Variants in MAF observed in about 807,000 individuals in gnomAD.
MAF encodes the protein MAF bZIP transcription factor.
Under a neutral mutation model 22.0 loss-of-function variants are expected in MAF, and 10 were observed. The observed-to-expected ratio is 0.45, with a 90% confidence interval of 0.28 to 0.77. The LOEUF is 0.77. Ranked by LOEUF, MAF falls within the 30% of genes least tolerant of loss-of-function variation. The pLI is 0.12. For missense variants in MAF, 544 were observed against 548.4 expected, an observed-to-expected ratio of 0.99 and a Z score of 0.08; for synonymous variants, 337 against 255.8, an observed-to-expected ratio of 1.32 and a Z score of -3.03.
At chr16:79,583,590 C>T (rs908540889), downstream of MAF, among the ~76,000 whole-genome samples, 9 of 152,152 alleles carry the variant, frequency 5.9e-5, no homozygotes, top group African/African-American at 2.2e-4. Flanking sequence ...GACATGAGCA[C>T]GCTAAGGTCC....
At chr16:79,507,819 A>G in the MAF span, among the ~76,000 whole-genome samples, 2 of 152,148 alleles carry the variant, frequency 1.3e-5, no homozygotes, top group Admixed American at 6.5e-5. Flanking sequence ...CAAATATCCC[A>G]TTTTCTCTAG....
At chr16:79,416,739 C>A in the MAF span, among the ~76,000 whole-genome samples, 1 of 152,204 alleles carries the variant, frequency 6.6e-6, no homozygotes, top group Non-Finnish European at 1.5e-5. Context: ...GAAGACCCTG[C>A]TGACCAGAGA....
At chr16:79,523,449 C>T in the MAF span, among the ~76,000 whole-genome samples, 1 of 152,228 alleles carries the variant, frequency 6.6e-6, no homozygotes, top group Admixed American at 6.5e-5. Flanking sequence ...TTTCTATTTT[C>T]ATAACAATCT....
the MAF span, among the ~76,000 whole-genome samples, chr16:79,240,997 A>G: frequency 6.6e-6 from 1 of 152,106 alleles, no homozygotes; most frequent in East Asian, 1.9e-4. Flanking sequence ...TTGCATCAAC[A>G]TCAACAAAAA....
At chr16:79,359,039 A>G in the MAF span, among the ~76,000 whole-genome samples, 1 of 152,226 alleles carries the variant, frequency 6.6e-6, no homozygotes, top group Non-Finnish European at 1.5e-5. Context: ...TGAATAAGGC[A>G]GAATCTAGAC....
the MAF span, among the ~76,000 whole-genome samples, chr16:79,514,027 G>A: frequency 6.6e-6 from 1 of 152,066 alleles, no homozygotes; most frequent in African/African-American, 2.4e-5. Flanking sequence ...TTTAATATCT[G>A]TTCTCAGTGT....
downstream of MAF, among the ~76,000 whole-genome samples, chr16:79,585,024 A>G (rs1447962605): frequency 1.3e-5 from 2 of 152,338 alleles, no homozygotes; most frequent in East Asian, 1.9e-4. Context: ...AAACCAAAAA[A>G]TATATTTCAT....
At chr16:79,281,255 A>C in the MAF span, among the ~76,000 whole-genome samples, 1 of 150,794 alleles carries the variant, frequency 6.6e-6, no homozygotes, top group African/African-American at 2.4e-5. Context: ...GAGGGTAATG[A>C]GCAAAGGGTA....
At chr16:79,399,248 T>A in the MAF span, among the ~76,000 whole-genome samples, 2 of 152,152 alleles carry the variant, frequency 1.3e-5, no homozygotes, top group African/African-American at 4.8e-5. Context: ...AAGATAGCAT[T>A]ATGGGCTGTG....
chr16:79,369,194 TAGCCAGTA>T, the MAF span, among the ~76,000 whole-genome samples: 2 of 152,366 alleles, frequency 1.3e-5, no homozygotes, highest in Non-Finnish European at 2.9e-5. Context: ...CAGAGTTTTG[TAGCCAGTA>T]AGTAGAAAAG....
chr16:79,296,949 G>C, the MAF span, among the ~76,000 whole-genome samples: 152 of 152,262 alleles, frequency 1.0e-3, 3 homozygotes, highest in East Asian at 0.028. Flanking sequence ...TTTGGAAAAA[G>C]CAAATCCCCC....
chr16:79,272,231 C>G, the MAF span, among the ~76,000 whole-genome samples: 4 of 152,230 alleles, frequency 2.6e-5, no homozygotes, highest in Non-Finnish European at 5.9e-5. Flanking sequence ...GCGGTGCTCT[C>G]TGTGTTTGAA....
At chr16:79,528,678 C>G in the MAF span, among the ~76,000 whole-genome samples, 1 of 151,396 alleles carries the variant, frequency 6.6e-6, no homozygotes, top group Non-Finnish European at 1.5e-5. Context: ...AAAAGAAAGG[C>G]AAGAGAGAAG....
the MAF span, among the ~76,000 whole-genome samples, chr16:79,347,620 A>C: frequency 1.2e-4 from 19 of 152,180 alleles, no homozygotes; most frequent in Non-Finnish European, 2.6e-4. Context: ...GTGTCAGAGA[A>C]AGATCTGAGC....
In MAF at chr16:79,599,420, G is replaced by A. The variant is rs1913846392; in HGVS notation, c.483C>T (p.Ala161=). ...GGSGEEMGPA[A]AVVSAVIAAA... ...CGGCGATCACGGCGGACACCACGGC[G>A]GCGGCGGGGCCCATCTCCTCGCCGC... The change falls in exon 1 of 2, where the codon GCC becomes GCT. Residue 161 remains alanine (A), a synonymous_variant. Transcript: ENST00000326043. 4.2e-6 allele frequency: 5 copies of A among 1,178,186 alleles called. No individual in the cohort carries two copies. Among genetic ancestry groups the A allele is most frequent in the East Asian group, 3.8e-5 (1 of 26,408 alleles). The allele number at this position is 1,178,186 out of a possible 1,614,324, so 73.0% of individuals were successfully genotyped here.
At chr16:79,580,449 G>C in the MAF span, among the ~76,000 whole-genome samples, 4 of 152,206 alleles carry the variant, frequency 2.6e-5, no homozygotes, top group Admixed American at 1.3e-4. Flanking sequence ...AAGATGAGGA[G>C]AGGCTGAAAG....
At chr16:79,451,782 T>C in the MAF span, among the ~76,000 whole-genome samples, 1 of 152,220 alleles carries the variant, frequency 6.6e-6, no homozygotes, top group Non-Finnish European at 1.5e-5. Flanking sequence ...TAAAGCTTCT[T>C]TCAGAGTTCA....
At chr16:79,212,214 A>T in the MAF span, 1 of 1,437,608 alleles carries the variant, frequency 7.0e-7, no homozygotes, top group African/African-American at 1.4e-5. Flanking sequence ...GGGAAGAAAA[A>T]GCAAGTGTTC....
At chr16:79,350,543 G>C in the MAF span, among the ~76,000 whole-genome samples, 1 of 152,296 alleles carries the variant, frequency 6.6e-6, no homozygotes, top group Non-Finnish European at 1.5e-5. Context: ...TCACCTGACT[G>C]CGTACTCAAC....
Sources: gnomAD v4.1 joint callset for allele counts (sites outside exome capture counted in the v4.1 genomes callset) on GRCh38, gnomAD v4.1.1 for gene constraint, MANE v1.5 for transcripts, NCBI Gene and HGNC (gene_info 2026-07-23, HGNC 2026-07-21) for gene names.